Variants in CDC14B observed in about 807,000 individuals in gnomAD.
CDC14B encodes cell division cycle 14B.
A neutral mutation model predicts 64.2 loss-of-function variants in CDC14B; 22 were observed. The observed-to-expected ratio is 0.34, with a 90% CI of 0.24 to 0.49. The LOEUF is 0.49. CDC14B is among the 20% of genes least tolerant of loss of function. The pLI is 0.99. For synonymous variants in CDC14B, 191 were observed against 215.8 expected, an observed-to-expected ratio of 0.89 and a Z score of 1.01; for missense variants, 498 against 629.9, an observed-to-expected ratio of 0.79 and a Z score of 2.24.
chr9:96,582,979 T>C (rs1170893167), intron 1 of CDC14B, among the ~76,000 whole-genome samples: 4 of 152,144 alleles, frequency 2.6e-5, no homozygotes, highest in Non-Finnish European at 5.9e-5. Context: ...ATCGGGCAGA[T>C]CTGGTGGCAG....
At chr9:96,547,539 A>G (rs1587914493) in intron 5 of CDC14B, among the ~76,000 whole-genome samples, 2 of 151,744 alleles carry the variant, frequency 1.3e-5, no homozygotes, top group Admixed American at 1.3e-4. Flanking sequence ...AGCTCACTGA[A>G]GCCTCCTAGG....
At chr9:96,584,947 C>T (rs982189260) in intron 1 of CDC14B, among the ~76,000 whole-genome samples, 4 of 152,174 alleles carry the variant, frequency 2.6e-5, no homozygotes, top group Non-Finnish European at 5.9e-5. Context: ...TAAGCCACCA[C>T]GCCTGGCCAA....
intron 1 of CDC14B, among the ~76,000 whole-genome samples, chr9:96,576,148 G>A (rs956553879): frequency 2.6e-5 from 4 of 151,690 alleles, no homozygotes; most frequent in African/African-American, 7.3e-5. Flanking sequence ...GCATGGTGGC[G>A]GGCACCTGTA....
chr9:96,566,945 C>T, intron 1 of CDC14B: 5 of 1,497,314 alleles, frequency 3.3e-6, no homozygotes, highest in Non-Finnish European at 4.5e-6. Flanking sequence ...GCGGGCGCAG[C>T]GACACCCCTC....
At position 96,502,601 on chromosome 9, in the gene CDC14B, T is replaced by C; in HGVS notation, c.*1152A>G. 1 of 327,764 alleles carries C rather than the reference T, an allele frequency of 3.1e-6. No homozygotes were observed. Among genetic ancestry groups the C allele is most frequent in the East Asian group, 4.5e-5 (1 of 22,380 alleles). The allele number at this position is 327,764 out of a possible 1,614,324, so 20.3% of individuals were successfully genotyped here. A position where few individuals can be genotyped will look rare whatever the true frequency, so the allele number is the denominator to read the frequency against. ...TCTTTTATTTCGGGCCCCATTTTTT[T>C]TTTTTTTTTTAGCAGCACATCAATT... On this transcript the variant is annotated 3_prime_UTR_variant, in exon 14 of 14. Transcript: ENST00000375241.
At chr9:96,565,852 A>G (rs542059087) in intron 1 of CDC14B, among the ~76,000 whole-genome samples, 2 of 152,366 alleles carry the variant, frequency 1.3e-5, no homozygotes, top group East Asian at 1.9e-4. Flanking sequence ...GATGAATTTC[A>G]CTACGTTTTT....
At chr9:96,607,337 A>T (rs980314986) in intron 1 of CDC14B, among the ~76,000 whole-genome samples, 14 of 151,490 alleles carry the variant, frequency 9.2e-5, no homozygotes, top group African/African-American at 2.9e-4. Flanking sequence ...TTCCTCAGTA[A>T]GACAGATTTC....
chr9:96,568,794 G>T (rs1012868843), intron 1 of CDC14B, among the ~76,000 whole-genome samples: 14 of 152,108 alleles, frequency 9.2e-5, no homozygotes, highest in Non-Finnish European at 1.9e-4. Context: ...GTGCATGCCT[G>T]TAATCCCAGC....
At chr9:96,573,489 T>A (rs534409476) in intron 1 of CDC14B, among the ~76,000 whole-genome samples, 18 of 152,178 alleles carry the variant, frequency 1.2e-4, no homozygotes, top group African/African-American at 4.3e-4. Flanking sequence ...ATATCCCTTA[T>A]GGATAAATGG....
At chr9:96,492,214 C>A (rs1473907370) in exon 14 of CDC14B, 1 of 152,272 alleles carries the variant, frequency 6.6e-6, no homozygotes, top group African/African-American at 2.4e-5. Flanking sequence ...CCCCAAGTCT[C>A]CTGAAAAGTG....
intron 4 of CDC14B, among the ~76,000 whole-genome samples, chr9:96,557,571 CA>C (rs1374761491): frequency 6.6e-6 from 1 of 152,160 alleles, no homozygotes; most frequent in Non-Finnish European, 1.5e-5. Context: ...CATTAAATAA[CA>C]AAGTCCCTGA....
intron 1 of CDC14B, among the ~76,000 whole-genome samples, chr9:96,567,770 C>CAATAA (rs1272356334): frequency 6.6e-6 from 1 of 151,964 alleles, no homozygotes; most frequent in Non-Finnish European, 1.5e-5. Context: ...TGGGTGACTA[C>CAATAA]AGTCCACAAT....
chr9:96,574,241 C>T (rs1844655905), intron 1 of CDC14B, among the ~76,000 whole-genome samples: 1 of 151,580 alleles, frequency 6.6e-6, no homozygotes, highest in African/African-American at 2.4e-5. Flanking sequence ...ACTATTGGCA[C>T]AGATATAATA....
At chr9:96,527,659 A>G (rs1837785701) in intron 9 of CDC14B, among the ~76,000 whole-genome samples, 1 of 151,760 alleles carries the variant, frequency 6.6e-6, no homozygotes, top group Admixed American at 6.6e-5. Context: ...TCTGTCGCCC[A>G]GGCCGGAGTG....
chr9:96,510,877 G>A (rs893723029), intron 12 of CDC14B, among the ~76,000 whole-genome samples: 1 of 152,004 alleles, frequency 6.6e-6, no homozygotes, highest in Non-Finnish European at 1.5e-5. Flanking sequence ...CAAAGTGCTG[G>A]GATTACAGGT....
intron 4 of CDC14B, among the ~76,000 whole-genome samples, chr9:96,555,598 G>T (rs1587949625): frequency 6.6e-6 from 1 of 152,328 alleles, no homozygotes; most frequent in South Asian, 2.1e-4. Context: ...TAAGGAAATG[G>T]CCGTTTCCAT....
At chr9:96,546,687 T>A (rs1241774311) in intron 5 of CDC14B, among the ~76,000 whole-genome samples, 9 of 151,984 alleles carry the variant, frequency 5.9e-5, no homozygotes. Context: ...TGACCTCAGG[T>A]GATCCACTTG....
intron 1 of CDC14B, among the ~76,000 whole-genome samples, chr9:96,585,821 C>A (rs1588034447): frequency 6.6e-6 from 1 of 152,144 alleles, no homozygotes; most frequent in African/African-American, 2.4e-5. Context: ...AATATTTCTG[C>A]AGCTTTATAA....
At chr9:96,510,645 G>A (rs980418239) in intron 12 of CDC14B, among the ~76,000 whole-genome samples, 3 of 145,842 alleles carry the variant, frequency 2.1e-5, no homozygotes, top group Non-Finnish European at 3.0e-5. Context: ...TTGCTCTGTC[G>A]CCCAGGCTGG....
Sources: allele counts gnomAD v4.1 joint callset (sites outside exome capture counted in the v4.1 genomes callset), GRCh38; gene constraint gnomAD v4.1.1; transcripts MANE v1.5; gene names NCBI Gene and HGNC (gene_info 2026-07-23, HGNC 2026-07-21).